Variants in PARP15 observed in about 807,000 individuals in gnomAD.
PARP15 encodes poly(ADP-ribose) polymerase family member 15, also known as protein mono-ADP-ribosyltransferase PARP15.
Under a neutral mutation model 62.1 loss-of-function variants are expected in PARP15, and 50 were observed. The observed-to-expected ratio is 0.81, with a 90% confidence interval of 0.64 to 1.02. The LOEUF (loss-of-function observed/expected upper bound fraction) is 1.02. PARP15 is among the 50% of genes least tolerant of loss of function. The pLI is 0.00. For missense variants in PARP15, 820 were observed against 826.5 expected, an observed-to-expected ratio of 0.99 and a Z score of 0.10; for synonymous variants, 309 against 293.1, an observed-to-expected ratio of 1.05 and a Z score of -0.55.
At chr3:122,620,912 G>A (rs1280148370) in intron 7 of PARP15, among the ~76,000 whole-genome samples, 1 of 152,176 alleles carries the variant, frequency 6.6e-6, no homozygotes, top group East Asian at 1.9e-4. Context: ...ATTTCCATGT[G>A]CTCAAGAGCT....
Position 122,610,602 on chromosome 3 carries a change from G to T in PARP15, c.415G>T (p.Asp139Tyr). 1 of 1,551,756 alleles carries T rather than the reference G, an allele frequency of 6.4e-7. No homozygotes were observed. ...TCCCATGCTCCAGAAAGAGTTAGAT[G>T]ACAGAAGGCGGGAAACAGAGGAAAA... ...AGPMLQKELD[D>Y]RRRETEEKVG... is the part of the protein sequence containing the mutation. The change falls in exon 3 of 12, where the codon GAC becomes TAC. Residue 139 changes from aspartate (D) to tyrosine (Y), a missense_variant. By Grantham distance (160) the Asp-to-Tyr change is radical. Around this residue, in one of 3 missense-constraint regions of PARP15, gnomAD observed 731 missense variants for 727.7 expected, o/e 1.00. Transcript: ENST00000464300.
intron 8 of PARP15, among the ~76,000 whole-genome samples, chr3:122,624,076 G>T (rs1936529215): frequency 6.6e-6 from 1 of 151,896 alleles, no homozygotes; most frequent in Non-Finnish European, 1.5e-5. Context: ...ACTTGAATTC[G>T]GGAGGCAGAG....
At chr3:122,597,457 C>A (rs181108795) in intron 1 of PARP15, among the ~76,000 whole-genome samples, 104 of 152,136 alleles carry the variant, frequency 6.8e-4, no homozygotes, top group African/African-American at 2.3e-3. Flanking sequence ...GTGTACTGCA[C>A]CCATTAACTC....
intron 6 of PARP15, among the ~76,000 whole-genome samples, chr3:122,618,794 G>A (rs983024201): frequency 3.3e-5 from 5 of 152,154 alleles, no homozygotes; most frequent in Non-Finnish European, 5.9e-5. Flanking sequence ...CCCCTCTCCT[G>A]CATGGATCCC....
intron 8 of PARP15, among the ~76,000 whole-genome samples, chr3:122,625,554 T>A (rs1936667946): frequency 6.6e-6 from 1 of 152,104 alleles, no homozygotes; most frequent in Non-Finnish European, 1.5e-5. Context: ...AGCCTGGAGA[T>A]AGGGTCTTTA....
chr3:122,627,555 A>G (rs974774404), intron 9 of PARP15, among the ~76,000 whole-genome samples: 6 of 152,230 alleles, frequency 3.9e-5, no homozygotes, highest in Non-Finnish European at 7.3e-5. Flanking sequence ...AAGTACTTGT[A>G]CCAACCTGTT....
intron 1 of PARP15, among the ~76,000 whole-genome samples, chr3:122,594,043 G>A (rs1008091981): frequency 2.0e-5 from 3 of 152,128 alleles, no homozygotes; most frequent in Non-Finnish European, 4.4e-5. Flanking sequence ...TGAAATTGGG[G>A]GTTAGAGAGG....
At chr3:122,617,295 G>C (rs758574514) in intron 6 of PARP15, 131 bp downstream of exon 6, 536 of 972,076 alleles carry the variant, frequency 5.5e-4, no homozygotes, top group Middle Eastern at 2.0e-3. Context: ...TCAGGAAGAC[G>C]TGGGTTGAAT....
Position 122,613,134 on chromosome 3 carries a change from C to A in PARP15, c.637C>A (p.Gln213Lys). ...TFPMIGTGSL[Q>K]FPKAVFAKLI... is the part of the protein sequence containing the mutation. ...TCCCATGATTGGAACAGGAAGTTTGCAGTTTCCCAAAGCTGTTTTTGCTAA... is the reference window on the plus strand; with the variant it reads ...TCCCATGATTGGAACAGGAAGTTTGAAGTTTCCCAAAGCTGTTTTTGCTAA... The change falls in exon 4 of 12, where the codon CAG becomes AAG. Residue 213 changes from glutamine to lysine, a missense_variant. By Grantham distance (53) the Gln-to-Lys change is moderately conservative. This residue lies in a region of PARP15 where 731 missense variants were observed against 727.7 expected (regional missense o/e 1.00). Transcript: ENST00000464300. 1 of 1,551,708 alleles carries A rather than the reference C, an allele frequency of 6.4e-7. No individual in the cohort carries two copies. The highest frequency in any genetic ancestry group is 8.7e-7 in the Non-Finnish European group (1 of 1,146,930).
chr3:122,585,481 G>A (rs1933347926), intron 1 of PARP15, among the ~76,000 whole-genome samples: 2 of 152,140 alleles, frequency 1.3e-5, no homozygotes, highest in Non-Finnish European at 2.9e-5. Flanking sequence ...AGTGACATCA[G>A]GACTTTATCT....
intron 8 of PARP15, 144 bp from the exon 9 acceptor site, chr3:122,626,683 G>A: frequency 1.5e-6 from 1 of 687,718 alleles, no homozygotes; most frequent in Non-Finnish European, 2.5e-6. Flanking sequence ...TTCAGCTAAA[G>A]AACACCAACT....
At chr3:122,606,726 G>A (rs1935185473) in intron 2 of PARP15, among the ~76,000 whole-genome samples, 1 of 152,190 alleles carries the variant, frequency 6.6e-6, no homozygotes, top group African/African-American at 2.4e-5. Context: ...CAGGGATGTG[G>A]TGTAGGCGAC....
chr3:122,577,688 T>C lies in PARP15; in HGVS notation c.21T>C (p.Leu7=), dbSNP rs1576463247. Residue 7 remains leucine (L), a synonymous_variant, in exon 1 of 12, where the codon CTT becomes CTC. Transcript: ENST00000464300. ...TGAGGATGGCTGCGCCAGGCCCCCTTCCTGCCGCTGCTCTGAGTCCAGGGG... is the reference window on the plus strand; with the variant it reads ...TGAGGATGGCTGCGCCAGGCCCCCTCCCTGCCGCTGCTCTGAGTCCAGGGG... MAAPGP[L]PAAALSPGAP... 1 of 1,551,642 alleles carries C rather than the reference T, an allele frequency of 6.4e-7. No individual in the cohort carries two copies. Among genetic ancestry groups the C allele is most frequent in the South Asian group, 1.2e-5 (1 of 84,064 alleles).
Position 122,613,108 on chromosome 3 carries a change from T to C in PARP15, c.611T>C (p.Phe204Ser). 6.4e-7 allele frequency: 1 copy of C among 1,551,820 alleles called. No individual in the cohort carries two copies. The highest frequency in any genetic ancestry group is 1.2e-5 in the South Asian group (1 of 84,064). ...GTGCTATCTTTCTCATCAATCACAT[T>C]TCCCATGATTGGAACAGGAAGTTTG... ...VEVLSFSSITFPMIGTGSLQF... is the reference protein window; with the variant it reads ...VEVLSFSSITSPMIGTGSLQF... The change falls in exon 4 of 12, where the codon TTT becomes TCT. Residue 204 changes from phenylalanine (F) to serine (S), a missense_variant. This residue lies in a region of PARP15 where 731 missense variants were observed against 727.7 expected (regional missense o/e 1.00). Transcript: ENST00000464300.
At chr3:122,619,890 C>A in intron 7 of PARP15, 47 bp downstream of exon 7, 1 of 1,510,648 alleles carries the variant, frequency 6.6e-7, no homozygotes, top group South Asian at 1.1e-5. Flanking sequence ...AATCAGAGGG[C>A]TGAGATTACA....
intron 4 of PARP15, chr3:122,615,432 C>A (rs1935895199): frequency 7.9e-7 from 1 of 1,271,178 alleles, no homozygotes; most frequent in Non-Finnish European, 1.0e-6. Context: ...TTCCCTCAGC[C>A]TATTGGATGT....
At chr3:122,583,827 G>A (rs1364552498) in intron 1 of PARP15, among the ~76,000 whole-genome samples, 5 of 152,128 alleles carry the variant, frequency 3.3e-5, no homozygotes, top group African/African-American at 1.2e-4. Flanking sequence ...GAGACTCAAG[G>A]GGGATCCTCT....
chr3:122,614,957 G>A (rs1282315406), intron 4 of PARP15: 4 of 561,890 alleles, frequency 7.1e-6, no homozygotes, highest in Non-Finnish European at 9.0e-6. Context: ...TTGAGTCCAG[G>A]GGGTTGAGGC....
At chr3:122,582,272 A>T (rs1436665775) in intron 1 of PARP15, among the ~76,000 whole-genome samples, 1 of 152,174 alleles carries the variant, frequency 6.6e-6, no homozygotes, top group African/African-American at 2.4e-5. Flanking sequence ...CCTGGGCTCA[A>T]GTGATCCTCT....
Sources: allele counts gnomAD v4.1 joint callset (sites outside exome capture counted in the v4.1 genomes callset), GRCh38; gene constraint gnomAD v4.1.1; regional missense constraint gnomAD v4.1.1; transcripts MANE v1.5; gene names NCBI Gene and HGNC (gene_info 2026-07-23, HGNC 2026-07-21).